Variants in RABGEF1 observed in about 807,000 individuals in gnomAD.
RABGEF1 encodes rab5 GDP/GTP exchange factor.
RABGEF1 carries 26 observed loss-of-function variants against 57.3 expected under a neutral mutation model. That is an observed-to-expected ratio of 0.45 (90% CI 0.33 to 0.63). The LOEUF is 0.63. Ranked by LOEUF, RABGEF1 falls within the 20% of genes least tolerant of loss-of-function variation. The pLI is 0.02. For missense variants in RABGEF1, 464 were observed against 607.6 expected (o/e 0.76, Z 2.48); for synonymous variants, 185 against 210.7 (o/e 0.88, Z 1.06).
At chr7:66,671,152 T>G in the RABGEF1 span, among the ~76,000 whole-genome samples, 2 of 152,120 alleles carry the variant, frequency 1.3e-5, no homozygotes, top group East Asian at 1.9e-4. Flanking sequence ...ATTTAATTTT[T>G]AGGTGTTTTT....
intron 2 of RABGEF1, among the ~76,000 whole-genome samples, chr7:66,714,472 TG>T (rs1224254578): frequency 1.3e-5 from 2 of 152,240 alleles, no homozygotes; most frequent in African/African-American, 4.8e-5. Flanking sequence ...TCTCTTTTTT[TG>T]TTATTTGGCT....
chr7:66,792,972 A>G (rs1193653466), intron 4 of RABGEF1, among the ~76,000 whole-genome samples: 2 of 152,140 alleles, frequency 1.3e-5, no homozygotes, highest in Non-Finnish European at 2.9e-5. Flanking sequence ...TACATTATGA[A>G]AGCAATACTG....
At chr7:66,677,298 T>C (rs1311288443), upstream of RABGEF1, among the ~76,000 whole-genome samples, 1 of 152,128 alleles carries the variant, frequency 6.6e-6, no homozygotes, top group African/African-American at 2.4e-5. Flanking sequence ...TCATACTCAA[T>C]GGTGAAAAAC....
At chr7:66,685,529 C>T (rs1433511256) in intron 1 of RABGEF1, among the ~76,000 whole-genome samples, 1 of 152,158 alleles carries the variant, frequency 6.6e-6, no homozygotes, top group African/African-American at 2.4e-5. Flanking sequence ...AATGTATACT[C>T]ATTTCCTGGT....
intron 1 of RABGEF1, among the ~76,000 whole-genome samples, chr7:66,756,591 T>C (rs563209828): frequency 4.9e-4 from 75 of 152,270 alleles, no homozygotes; most frequent in African/African-American, 1.7e-3. Context: ...TTATTTGCTT[T>C]TATATTTTGG....
chr7:66,730,367 C>T (rs954116054), intron 2 of RABGEF1, among the ~76,000 whole-genome samples: 4 of 152,118 alleles, frequency 2.6e-5, no homozygotes, highest in African/African-American at 4.8e-5. Context: ...ACTTAATCTA[C>T]CACATAAAGG....
At chr7:66,691,078 G>A (rs1398726303) in intron 1 of RABGEF1, among the ~76,000 whole-genome samples, 2 of 152,038 alleles carry the variant, frequency 1.3e-5, no homozygotes, top group East Asian at 3.9e-4. Flanking sequence ...ACGACAAAGC[G>A]AGCCTCCATC....
At chr7:66,739,326 C>T (rs1268093782), upstream of RABGEF1, among the ~76,000 whole-genome samples, 9 of 151,830 alleles carry the variant, frequency 5.9e-5, no homozygotes, top group Admixed American at 5.9e-4. Context: ...AGAAACGAAT[C>T]AGTTAATCCC....
the RABGEF1 span, among the ~76,000 whole-genome samples, chr7:66,673,802 C>CTTGCTCACTG: frequency 4.0e-4 from 61 of 151,872 alleles, no homozygotes; most frequent in African/African-American, 1.3e-3. Flanking sequence ...ACACTTGAGC[C>CTTGCTCACTG]CAGGAGTTAG....
chr7:66,755,630 C>G (rs1204469521), intron 1 of RABGEF1, among the ~76,000 whole-genome samples: 1 of 152,106 alleles, frequency 6.6e-6, no homozygotes, highest in Non-Finnish European at 1.5e-5. Context: ...TGCTGCTTCC[C>G]TGGGCGAGGG....
intron 1 of RABGEF1, among the ~76,000 whole-genome samples, chr7:66,708,382 G>C (rs763029512): frequency 2.1e-4 from 32 of 151,734 alleles, no homozygotes; most frequent in Non-Finnish European, 1.8e-4. Context: ...TCGCTTCCTG[G>C]GTTCAAGTGA....
intron 3 of RABGEF1, among the ~76,000 whole-genome samples, chr7:66,778,417 A>G (rs1348342062): frequency 3.3e-5 from 5 of 152,352 alleles, no homozygotes; most frequent in South Asian, 2.1e-4. Context: ...TTTAGTCTCT[A>G]CAGTCAGGGT....
At chr7:66,680,984 G>A (rs1230559723), upstream of RABGEF1, among the ~76,000 whole-genome samples, 1 of 152,138 alleles carries the variant, frequency 6.6e-6, no homozygotes, top group South Asian at 2.1e-4. Flanking sequence ...TCGAGAGGCT[G>A]AGGTGGGAGA....
At chr7:66,791,868 C>T (rs558221886) in intron 4 of RABGEF1, among the ~76,000 whole-genome samples, 14 of 152,272 alleles carry the variant, frequency 9.2e-5, no homozygotes, top group African/African-American at 3.1e-4. Context: ...AATCCCAGCT[C>T]TTTAGGAGGC....
intron 2 of RABGEF1, among the ~76,000 whole-genome samples, chr7:66,772,332 A>G (rs1319284482): frequency 6.6e-6 from 1 of 152,222 alleles, no homozygotes; most frequent in Non-Finnish European, 1.5e-5. Context: ...TGTAGACAAT[A>G]AGCTCCTTGG....
intron 1 of RABGEF1, among the ~76,000 whole-genome samples, chr7:66,744,514 A>G (rs953307028): frequency 1.3e-5 from 2 of 151,848 alleles, no homozygotes; most frequent in Non-Finnish European, 2.9e-5. Context: ...TAAAAATACA[A>G]AAAATTAGCT....
At chr7:66,796,127 A>G (rs1222194046) in intron 5 of RABGEF1, among the ~76,000 whole-genome samples, 2 of 152,094 alleles carry the variant, frequency 1.3e-5, no homozygotes, top group African/African-American at 2.4e-5. Context: ...ACAGATCGAG[A>G]CTCTGTCTTC....
chr7:66,776,786 G>C (rs1214684902), intron 3 of RABGEF1, among the ~76,000 whole-genome samples: 1 of 152,110 alleles, frequency 6.6e-6, no homozygotes, highest in South Asian at 2.1e-4. Context: ...TTATCTCTAC[G>C]AAAAAGGGGG....
At chr7:66,730,173 G>T (rs1260534913) in intron 2 of RABGEF1, among the ~76,000 whole-genome samples, 1 of 152,200 alleles carries the variant, frequency 6.6e-6, no homozygotes, top group East Asian at 1.9e-4. Flanking sequence ...AGGGTGCAAG[G>T]CATGTCCACA....
Sources: allele counts gnomAD v4.1 joint callset (sites outside exome capture counted in the v4.1 genomes callset), GRCh38; gene constraint gnomAD v4.1.1; transcripts MANE v1.5; gene names NCBI Gene and HGNC (gene_info 2026-07-23, HGNC 2026-07-21).